Variants in KCNG2 observed in about 807,000 individuals in gnomAD.
The protein encoded by KCNG2 is potassium voltage-gated channel modifier subfamily G member 2, also known as voltage-gated potassium channel regulatory subunit KCNG2.
In KCNG2, 7 loss-of-function variants were observed where a neutral mutation model predicts 12.3. That is an observed-to-expected ratio of 0.57 (90% CI 0.32 to 1.07). The LOEUF (loss-of-function observed/expected upper bound fraction) is 1.07. Ranked by LOEUF, KCNG2 falls within the 50% of genes least tolerant of loss-of-function variation. The pLI, the probability that KCNG2 is intolerant of heterozygous loss-of-function variation, is 0.04. For synonymous variants in KCNG2, 414 were observed against 351.4 expected (o/e 1.18, Z -1.99); for missense variants, 703 against 726.0 (o/e 0.97, Z 0.36).
Position 79,899,880 on chromosome 18 carries a change from T to G in KCNG2, c.*64T>G. The G allele has an allele frequency of 7.8e-7, 1 of 1,274,210 alleles. No individual in the cohort carries two copies. The highest frequency in any genetic ancestry group is 2.4e-5 in the South Asian group (1 of 41,498). 78.9% of individuals were successfully genotyped at this position (1,274,210 alleles called of 1,614,324 possible). On this transcript the variant is annotated 3_prime_UTR_variant, in exon 4 of 4. Coordinates refer to ENST00000316249, the MANE Select transcript of KCNG2 (RefSeq NM_012283.2). ...AGCTGCAGCGTCGGGACCCCCGAGG[T>G]GCGCCAAGGGGTGGGGGGCGTCTGG...
At chr18:79,867,533 G>A (rs1415004976) in intron 3 of KCNG2, among the ~76,000 whole-genome samples, 1 of 116,024 alleles carries the variant, frequency 8.6e-6, no homozygotes, top group African/African-American at 3.2e-5. Flanking sequence ...GTCTGGGGGG[G>A]GACCGTGAGC....
At chr18:79,818,758 C>G (rs1461159604) in intron 1 of KCNG2, among the ~76,000 whole-genome samples, 2 of 152,176 alleles carry the variant, frequency 1.3e-5, no homozygotes, top group African/African-American at 4.8e-5. Context: ...GCAGAAATGA[C>G]TGGGAGGCAC....
At chr18:79,829,759 CG>C (rs1363058294) in intron 1 of KCNG2, among the ~76,000 whole-genome samples, 1 of 151,944 alleles carries the variant, frequency 6.6e-6, no homozygotes, top group Non-Finnish European at 1.5e-5. Flanking sequence ...AAGCTGGTGC[CG>C]GGGCAGCTCA....
intron 3 of KCNG2, chr18:79,876,160 A>G (rs946064525): frequency 6.6e-6 from 1 of 152,336 alleles, no homozygotes; most frequent in Non-Finnish European, 1.5e-5. Context: ...TCCAGGACCC[A>G]TCTCCCGCCT....
At chr18:79,845,668 A>G (rs1978598377) in intron 1 of KCNG2, among the ~76,000 whole-genome samples, 1 of 152,234 alleles carries the variant, frequency 6.6e-6, no homozygotes, top group African/African-American at 2.4e-5. Context: ...AATGGATCTC[A>G]TTAGCAAGTT....
chr18:79,825,031 G>A (rs547624693), intron 1 of KCNG2, among the ~76,000 whole-genome samples: 2 of 152,252 alleles, frequency 1.3e-5, no homozygotes, highest in East Asian at 3.9e-4. Flanking sequence ...GTAGAGCATG[G>A]AGACTATCTA....
intron 1 of KCNG2, among the ~76,000 whole-genome samples, chr18:79,834,825 G>A (rs1978314991): frequency 1.3e-5 from 2 of 152,242 alleles, no homozygotes; most frequent in African/African-American, 4.8e-5. Flanking sequence ...AGGAGGAGCT[G>A]GTTCCTGATG....
chr18:79,809,810 G>C (rs577719702), intron 1 of KCNG2, among the ~76,000 whole-genome samples: 1 of 152,224 alleles, frequency 6.6e-6, no homozygotes, highest in African/African-American at 2.4e-5. Context: ...TGGTCACCTC[G>C]TCCAGAAAAA....
At chr18:79,869,584 G>A (rs575012409) in intron 3 of KCNG2, among the ~76,000 whole-genome samples, 92 of 152,282 alleles carry the variant, frequency 6.0e-4, no homozygotes, top group Middle Eastern at 3.4e-3. Flanking sequence ...GCCTTCTCAC[G>A]TGGGATCGTT....
chr18:79,798,566 A>G (rs1186526770), intron 1 of KCNG2, among the ~76,000 whole-genome samples: 1 of 151,712 alleles, frequency 6.6e-6, no homozygotes, highest in African/African-American at 2.4e-5. Context: ...TGAACGCCCC[A>G]CTCCCGCTCG....
chr18:79,887,778 CG>C (rs1387043040), intron 3 of KCNG2, among the ~76,000 whole-genome samples: 2 of 152,122 alleles, frequency 1.3e-5, no homozygotes, highest in African/African-American at 2.4e-5. Context: ...GATCGGGGCT[CG>C]GGGGGTGGCT....
chr18:79,817,020 C>T (rs1387989759), intron 1 of KCNG2, among the ~76,000 whole-genome samples: 4 of 151,422 alleles, frequency 2.6e-5, no homozygotes, highest in African/African-American at 9.7e-5. Flanking sequence ...GGCTGCCACA[C>T]GGTTGTCACG....
intron 1 of KCNG2, among the ~76,000 whole-genome samples, chr18:79,799,084 G>T (rs2087387725): frequency 6.6e-6 from 1 of 152,230 alleles, no homozygotes; most frequent in South Asian, 2.1e-4. Flanking sequence ...CCCCTTCTCT[G>T]CCTGCAGAGA....
Position 79,800,909 on chromosome 18 carries a change from A to G in KCNG2, c.-115+2895A>G, listed in dbSNP as rs1489818803. Among the ~76,000 whole-genome samples, 1 of 152,218 alleles carries G rather than the reference A, an allele frequency of 6.6e-6. No homozygotes were observed. Among genetic ancestry groups the G allele is most frequent in the Non-Finnish European group, 1.5e-5 (1 of 68,032 alleles). The stretch of plus-strand genomic sequence containing the variant: ...CAGACTCATGGAATTGCTAACAGAA[A>G]TCTTATCAACAGCAGGTTCAGCCTT... On this transcript the variant is annotated intron_variant, in intron 1 of 3. Transcript: ENST00000316249. The surrounding 1 kb of genome is among the most constrained non-coding windows in gnomAD (Gnocchi z 4.0).
rs1238207683 is a variant in KCNG2 at position 79,800,360 on chromosome 18, T to A, written c.-115+2346T>A. On this transcript the variant is annotated intron_variant, in intron 1 of 3. Transcript: ENST00000316249. This position sits in a 1 kb window ranked among gnomAD's most constrained non-coding sequence, Gnocchi z 4.0. ...GCTTGGTCAGGGATGTTCTTGGTGG[T>A]AAGGAAAGGAGCCATGGGGCCCTTG... 6.6e-6 allele frequency among the ~76,000 whole-genome samples: 1 copy of A among 151,820 alleles called. No homozygotes were observed. The highest frequency in any genetic ancestry group is 1.5e-5 in the Non-Finnish European group (1 of 67,954).
At chr18:79,882,784 C>T (rs1208254952) in intron 3 of KCNG2, among the ~76,000 whole-genome samples, 4 of 148,640 alleles carry the variant, frequency 2.7e-5, no homozygotes, top group African/African-American at 7.4e-5. Flanking sequence ...TACACCTGCG[C>T]GTGGAGCGCG....
intron 3 of KCNG2, among the ~76,000 whole-genome samples, chr18:79,879,325 C>T (rs963690001): frequency 3.3e-5 from 5 of 152,202 alleles, no homozygotes; most frequent in Non-Finnish European, 7.3e-5. Context: ...GGCGTCCAAG[C>T]AGCAGTTTAG....
At chr18:79,868,939 C>T (rs1979718383) in intron 3 of KCNG2, among the ~76,000 whole-genome samples, 1 of 152,204 alleles carries the variant, frequency 6.6e-6, no homozygotes, top group African/African-American at 2.4e-5. Context: ...AACTAGGAGT[C>T]GGTGTTACTG....
intron 1 of KCNG2, among the ~76,000 whole-genome samples, chr18:79,853,368 C>T (rs1471894229): frequency 6.6e-6 from 1 of 152,128 alleles, no homozygotes; most frequent in Non-Finnish European, 1.5e-5. Flanking sequence ...GAGGGGTCAC[C>T]ATGGGGTGAG....
Sources: allele counts gnomAD v4.1 joint callset (sites outside exome capture counted in the v4.1 genomes callset), GRCh38; gene constraint gnomAD v4.1.1; non-coding constraint Gnocchi (gnomAD v3.1); transcripts MANE v1.5; gene names NCBI Gene and HGNC (gene_info 2026-07-23, HGNC 2026-07-21).